NIPBL: variants seen among roughly 807,000 people sequenced by gnomAD.
The protein encoded by NIPBL is NIPBL cohesin loading factor.
Under a neutral mutation model 321.8 loss-of-function variants are expected in NIPBL, and 19 were observed. The ratio of observed to expected loss-of-function variants is 0.06; its 90% CI spans 0.04 to 0.09. The LOEUF (loss-of-function observed/expected upper bound fraction) is 0.09, where lower values mean the gene tolerates loss of function less well. NIPBL is among the 10% of genes least tolerant of loss of function. The pLI is 1.00. For synonymous variants in NIPBL, 1,106 were observed against 1,114.1 expected (o/e 0.99, Z 0.14); for missense variants, 2,210 against 3,327.0 (o/e 0.66, Z 8.26).
chr5:36,997,483 TCTATCA>T (rs1484795339), intron 11 of NIPBL, among the ~76,000 whole-genome samples: 2 of 152,192 alleles, frequency 1.3e-5, no homozygotes, highest in African/African-American at 4.8e-5. Flanking sequence ...CCCCTTGCTT[TCTATCA>T]TGAAAGCTAT....
intron 1 of NIPBL, among the ~76,000 whole-genome samples, chr5:36,921,946 G>A: frequency 6.6e-6 from 1 of 151,350 alleles, no homozygotes. Context: ...GAGTTCAGTG[G>A]CGTGATCTCA....
At chr5:37,030,716 T>C (rs1750900564) in intron 32 of NIPBL, among the ~76,000 whole-genome samples, 1 of 151,978 alleles carries the variant, frequency 6.6e-6, no homozygotes, top group Non-Finnish European at 1.5e-5. Flanking sequence ...AATTCCCACA[T>C]GTACTAAACT....
rs1359061091 is a variant in NIPBL, at chr5:36,962,378, A to G, written c.610+104A>G. 6 of 1,144,190 alleles carry G rather than the reference A, an allele frequency of 5.2e-6. No individual in the cohort carries two copies. In the East Asian group the frequency reaches 1.0e-4, roughly 19 times the overall value. The allele number at this position is 1,144,190 out of a possible 1,614,324, so 70.9% of individuals were successfully genotyped here. A position where few individuals can be genotyped will look rare whatever the true frequency, so the allele number is the denominator to read the frequency against. On this transcript the variant is annotated intron_variant, in intron 6 of 46. Coordinates refer to ENST00000282516, the MANE Select transcript of NIPBL (RefSeq NM_133433.4). ...TATTAAACACAAACTAAAATACTATACTGTATACTTGTCAGTAAACCTTTT... is the reference window on the plus strand; with the variant it reads ...TATTAAACACAAACTAAAATACTATGCTGTATACTTGTCAGTAAACCTTTT...
chr5:36,995,121 C>T (rs1175178880), intron 10 of NIPBL: 1 of 156,316 alleles, frequency 6.4e-6, no homozygotes, highest in East Asian at 1.9e-4. Context: ...GTCTCAGCCA[C>T]CATACACAAC....
intron 3 of NIPBL, among the ~76,000 whole-genome samples, chr5:36,956,653 C>G (rs1740993400): frequency 1.0e-5 from 1 of 96,718 alleles, no homozygotes; most frequent in East Asian, 3.6e-4. Flanking sequence ...GAGATGGAGT[C>G]TTGCTCTGTT....
rs1251964443 is a variant in NIPBL at position 37,052,580 on chromosome 5, C to T, written c.7263+14C>T. 6.2e-7 allele frequency: 1 copy of T among 1,607,034 alleles called. No homozygotes were observed. Among genetic ancestry groups the T allele is most frequent in the African/African-American group, 1.3e-5 (1 of 74,760 alleles). On this transcript the variant is annotated intron_variant, in intron 42 of 46. Transcript: ENST00000282516. ...GATGACACAGCAGTAAGCACAAAAACTTATTATTTTAAGAAAATAAGTGCT... is the reference window on the plus strand; with the variant it reads ...GATGACACAGCAGTAAGCACAAAAATTTATTATTTTAAGAAAATAAGTGCT...
chr5:36,979,087 A>G (rs1743847970), intron 9 of NIPBL, among the ~76,000 whole-genome samples: 1 of 151,848 alleles, frequency 6.6e-6, no homozygotes, highest in South Asian at 2.1e-4. Flanking sequence ...TGTTGGTTTT[A>G]TATAAATTTT....
chr5:36,918,004 T>C (rs929339262), intron 1 of NIPBL, among the ~76,000 whole-genome samples: 4 of 152,230 alleles, frequency 2.6e-5, no homozygotes, highest in African/African-American at 4.8e-5. Context: ...CTTGGCAATG[T>C]GGGCTCTTTT....
At chr5:36,969,575 A>G (rs1166582029) in intron 6 of NIPBL, among the ~76,000 whole-genome samples, 2 of 152,210 alleles carry the variant, frequency 1.3e-5, no homozygotes, top group African/African-American at 2.4e-5. Context: ...TTGGATCCCT[A>G]TCTCACACTT....
intron 9 of NIPBL, among the ~76,000 whole-genome samples, chr5:36,977,727 A>G (rs757352758): frequency 9.9e-5 from 15 of 151,462 alleles, no homozygotes; most frequent in Non-Finnish European, 1.6e-4. Context: ...CATAGTACCC[A>G]TTAGATAGTT....
intron 1 of NIPBL, among the ~76,000 whole-genome samples, chr5:36,896,400 C>T (rs1021277826): frequency 3.9e-5 from 6 of 152,126 alleles, no homozygotes; most frequent in Non-Finnish European, 8.8e-5. Context: ...ATTGTTTTGA[C>T]TCTTCTGGAT....
rs778413684 is a variant in NIPBL, at chr5:36,971,024, G to T, written c.759G>T (p.Arg253Ser). 1 of 1,612,226 alleles carries T rather than the reference G, an allele frequency of 6.2e-7. No homozygotes were observed. Among genetic ancestry groups the T allele is most frequent in the South Asian group, 1.1e-5 (1 of 91,036 alleles). Residue 253 changes from arginine (R) to serine (S), a missense_variant, in exon 7 of 47, where the codon AGG becomes AGT. Coordinates refer to ENST00000282516, the MANE Select transcript of NIPBL (RefSeq NM_133433.4). The stretch of plus-strand genomic sequence containing the variant: ...AGGACTACCTACACATGGTGCACAG[G>T]CTAAGTAGTGACGTATGTAATATAT... Reference protein sequence around the residue: ...SSEDYLHMVHRLSSDDGDSST... With the variant: ...SSEDYLHMVHSLSSDDGDSST...
intron 32 of NIPBL, among the ~76,000 whole-genome samples, chr5:37,033,208 CTG>C (rs976594059): frequency 3.3e-5 from 5 of 151,958 alleles, no homozygotes; most frequent in South Asian, 2.1e-4. Context: ...AAATGGGAAA[CTG>C]TGAGCTTTCT....
intron 42 of NIPBL, 120 bp downstream of exon 42, chr5:37,052,686 T>C: frequency 1.3e-6 from 1 of 752,824 alleles, no homozygotes; most frequent in Non-Finnish European, 2.2e-6. Context: ...ATTAAGTGTT[T>C]TCTTAATCTT....
chr5:36,986,339 C>A, intron 10 of NIPBL, 38 bp downstream of exon 10: 3 of 1,312,048 alleles, frequency 2.3e-6, no homozygotes, highest in Non-Finnish European at 3.0e-6. Context: ...ATAATATAAT[C>A]GATTTTAAGT....
chr5:36,932,500 C>T (rs1436806445), intron 1 of NIPBL, among the ~76,000 whole-genome samples: 3 of 151,900 alleles, frequency 2.0e-5, no homozygotes, highest in South Asian at 4.1e-4. Flanking sequence ...ATAGCCATTC[C>T]AGCTTTTTTA....
At chr5:36,998,905 C>G (rs1353955590) in intron 11 of NIPBL, among the ~76,000 whole-genome samples, 2 of 152,132 alleles carry the variant, frequency 1.3e-5, no homozygotes, top group Non-Finnish European at 2.9e-5. Flanking sequence ...TAACCAAATT[C>G]ATACCTAATT....
In NIPBL at chr5:36,961,976, A is replaced by G. The variant is rs962377978; in HGVS notation, c.459-147A>G. The G allele has an allele frequency of 4.4e-6, 4 of 916,944 alleles. No individual in the cohort carries two copies. In the African/African-American group the frequency reaches 6.8e-5, roughly 15 times the overall value. 56.8% of individuals were successfully genotyped at this position (916,944 alleles called of 1,614,324 possible). A position where few individuals can be genotyped will look rare whatever the true frequency, so the allele number is the denominator to read the frequency against. Reference sequence around the variant, plus strand: ...GAATTGTGAACAATTTTTGTATGTTATTTGACTATTTTGCAAGATTCTTCT... The same window carrying G: ...GAATTGTGAACAATTTTTGTATGTTGTTTGACTATTTTGCAAGATTCTTCT... On this transcript the variant is annotated intron_variant, in intron 5 of 46. Coordinates refer to ENST00000282516, the MANE Select transcript of NIPBL (RefSeq NM_133433.4).
chr5:36,947,961 A>G (rs886959402), intron 1 of NIPBL, among the ~76,000 whole-genome samples: 4 of 151,984 alleles, frequency 2.6e-5, no homozygotes, highest in East Asian at 1.9e-4. Context: ...TCAGTTAGCA[A>G]TATATCTTTA....
Sources: gnomAD v4.1 joint callset for allele counts (sites outside exome capture counted in the v4.1 genomes callset) on GRCh38, gnomAD v4.1.1 for gene constraint, MANE v1.5 for transcripts, NCBI Gene and HGNC (gene_info 2026-07-23, HGNC 2026-07-21) for gene names.